The following AGPAT4 variants were observed in gnomAD, a reference collection of about 807,000 sequenced individuals.
AGPAT4 encodes 1-acylglycerol-3-phosphate O-acyltransferase 4.
Under a neutral mutation model 48.0 loss-of-function variants are expected in AGPAT4, and 15 were observed. The ratio of observed to expected loss-of-function variants is 0.31; its 90% CI spans 0.21 to 0.48. The LOEUF (loss-of-function observed/expected upper bound fraction) is 0.48. AGPAT4 is among the 20% of genes least tolerant of loss of function. AGPAT4 has a pLI of 0.99. For synonymous variants in AGPAT4, 178 were observed against 198.7 expected, an observed-to-expected ratio of 0.90 and a Z score of 0.88; for missense variants, 314 against 482.5, an observed-to-expected ratio of 0.65 and a Z score of 3.27.
In AGPAT4 at chr6:161,132,595, G is replaced by A. The variant is rs1778936244; in HGVS notation, c.*3945C>T. The A allele has an allele frequency of 6.6e-6, 1 of 152,322 alleles. No homozygotes were observed. The highest frequency in any genetic ancestry group is 2.4e-5 in the African/African-American group (1 of 41,480). 9.4% of individuals were successfully genotyped at this position (152,322 alleles called of 1,614,324 possible). A position where few individuals can be genotyped will look rare whatever the true frequency, so the allele number is the denominator to read the frequency against. On this transcript the variant is annotated 3_prime_UTR_variant, in exon 9 of 9. Transcript: ENST00000320285. ...CTCGGCCGCTTCTGCCCCGTGCCAA[G>A]GCGTGACTAGGACCAGAAGAATCAG...
chr6:161,136,265 C>G lies in AGPAT4; in HGVS notation c.*275G>C. ...CAGCCTAAAATACCCTTTCTATGAT[C>G]ACAGAACAAAGTTCACACTCACCAC... On this transcript the variant is annotated 3_prime_UTR_variant, in exon 9 of 9. Coordinates refer to ENST00000320285, the MANE Select transcript of AGPAT4 (RefSeq NM_020133.3). 1 of 417,792 alleles carries G rather than the reference C, an allele frequency of 2.4e-6. No individual in the cohort carries two copies. The highest frequency in any genetic ancestry group is 7.1e-4 in the Middle Eastern group (1 of 1,410). 25.9% of individuals were successfully genotyped at this position (417,792 alleles called of 1,614,324 possible). A position where few individuals can be genotyped will look rare whatever the true frequency, so the allele number is the denominator to read the frequency against.
rs562373006 is a variant in AGPAT4, at chr6:161,172,394, G to T, written c.179-5977C>A. 2.1e-4 allele frequency among the ~76,000 whole-genome samples: 32 copies of T among 152,242 alleles called. 1 individual carries two copies. The South Asian group carries it at 2.5e-3, about 12-fold the overall frequency. ...CAGGGGGCACCCCATCCAGGCCTGGGGTACACACAGACTGTGGGACTCATC... is the reference window on the plus strand; with the variant it reads ...CAGGGGGCACCCCATCCAGGCCTGGTGTACACACAGACTGTGGGACTCATC... On this transcript the variant is annotated intron_variant, in intron 2 of 8. Transcript: ENST00000320285.
intron 5 of AGPAT4, among the ~76,000 whole-genome samples, chr6:161,151,422 C>G (rs1779590321): frequency 6.6e-6 from 1 of 152,198 alleles, no homozygotes; most frequent in Non-Finnish European, 1.5e-5. Context: ...CCTTGCGAGG[C>G]AAGACTGAGG....
Position 161,221,799 on chromosome 6 carries a change from CT to C in AGPAT4, c.178+10236del, listed in dbSNP as rs1157287971. Among the ~76,000 whole-genome samples the C allele has an allele frequency of 6.6e-6, 1 of 152,192 alleles. No individual in the cohort carries two copies. The highest frequency in any genetic ancestry group is 1.5e-5 in the Non-Finnish European group (1 of 68,032). ...TCCTTGGCTTGCAGGGGATATTGTC[CT>C]CGTATCTTCACATCGTCTTCCTCTC... On this transcript the variant is annotated intron_variant, in intron 2 of 8. Transcript: ENST00000320285. The surrounding 1 kb of genome is among the most constrained non-coding windows in gnomAD (Gnocchi z 4.5).
chr6:161,131,795 G>A lies in AGPAT4; in HGVS notation c.*4745C>T, dbSNP rs1367761823. 6.6e-6 allele frequency: 1 copy of A among 152,282 alleles called. No individual in the cohort carries two copies. Among genetic ancestry groups the A allele is most frequent in the Non-Finnish European group, 1.5e-5 (1 of 68,054 alleles). The allele number at this position is 152,282 out of a possible 1,614,324, so 9.4% of individuals were successfully genotyped here. On this transcript the variant is annotated 3_prime_UTR_variant, in exon 9 of 9. Transcript: ENST00000320285. ...AATGGTATTGAATGTCCTGGACCAAGAGGAACAGCAACATGTCCTTAGTCC... is the reference window on the plus strand; with the variant it reads ...AATGGTATTGAATGTCCTGGACCAAAAGGAACAGCAACATGTCCTTAGTCC...
chr6:161,172,949 C>G (rs1239578089), intron 2 of AGPAT4, among the ~76,000 whole-genome samples: 1 of 152,146 alleles, frequency 6.6e-6, no homozygotes, highest in African/African-American at 2.4e-5. Flanking sequence ...CAGCTTCATC[C>G]ATATCCCTAC....
Position 161,144,165 on chromosome 6 carries a change from T to C in AGPAT4, c.843+2359A>G, listed in dbSNP as rs1779339570. On this transcript the variant is annotated intron_variant, in intron 7 of 8. Coordinates refer to ENST00000320285, the MANE Select transcript of AGPAT4 (RefSeq NM_020133.3). The surrounding 1 kb of genome is among the most constrained non-coding windows in gnomAD (Gnocchi z 6.6). Reference sequence around the variant, plus strand: ...TCTGCTTGGAGAAACCATGCACCACTTCCACTTGCTGCTCAGCGATCTTCT... The same window carrying C: ...TCTGCTTGGAGAAACCATGCACCACCTCCACTTGCTGCTCAGCGATCTTCT... 1.9e-6 allele frequency: 1 copy of C among 533,318 alleles called. No homozygotes were observed. The highest frequency in any genetic ancestry group is 3.8e-6 in the Non-Finnish European group (1 of 259,926). 33.0% of individuals were successfully genotyped at this position (533,318 alleles called of 1,614,324 possible).
At chr6:161,181,588 T>G (rs558110446) in intron 2 of AGPAT4, among the ~76,000 whole-genome samples, 1 of 152,272 alleles carries the variant, frequency 6.6e-6, no homozygotes, top group South Asian at 2.1e-4. Flanking sequence ...TTTTTACTTT[T>G]AATTTTTGTG....
At position 161,203,391 on chromosome 6, in the gene AGPAT4, T is replaced by C. The variant is rs1399143073; in HGVS notation, c.178+28645A>G. 5.6e-4 allele frequency among the ~76,000 whole-genome samples: 82 copies of C among 146,330 alleles called. 2 individuals are homozygous for C. The highest frequency in any genetic ancestry group is 9.2e-4 in the African/African-American group (37 of 40,018). On this transcript the variant is annotated intron_variant, in intron 2 of 8. Coordinates refer to ENST00000320285, the MANE Select transcript of AGPAT4 (RefSeq NM_020133.3). ...GTGTTCTTTTTCTTTCTTTTTTTTT[T>C]TTTTTTTTTTTTTTGAGACAGAGTT...
rs117308073 is a variant in AGPAT4, at chr6:161,184,414, G to A, written c.179-17997C>T. ...AGGACTTGCTGTTAACTGGGTTGGGGAGCATGGGGGAGAGGAAGGTGTGTG... is the reference window on the plus strand; with the variant it reads ...AGGACTTGCTGTTAACTGGGTTGGGAAGCATGGGGGAGAGGAAGGTGTGTG... On this transcript the variant is annotated intron_variant, in intron 2 of 8. Transcript: ENST00000320285. This position sits in a 1 kb window ranked among gnomAD's most constrained non-coding sequence, Gnocchi z 4.8. 2.3e-3 allele frequency among the ~76,000 whole-genome samples: 350 copies of A among 152,168 alleles called. No individual in the cohort carries two copies. The highest frequency in any genetic ancestry group is 3.3e-3 in the Non-Finnish European group (222 of 67,994).
At position 161,195,321 on chromosome 6, in the gene AGPAT4, GA is replaced by G. The variant is rs1297110432; in HGVS notation, c.179-28905del. On this transcript the variant is annotated intron_variant, in intron 2 of 8. Transcript: ENST00000320285. This position sits in a 1 kb window ranked among gnomAD's most constrained non-coding sequence, Gnocchi z 5.0. ...CAGTGGCAGTCTTCCCAAAATAAAA[GA>G]AAAAAAGTAATTATTCAGAGAAGAC... 6.6e-6 allele frequency among the ~76,000 whole-genome samples: 1 copy of G among 151,986 alleles called. No homozygotes were observed. The highest frequency in any genetic ancestry group is 2.4e-5 in the African/African-American group (1 of 41,394).
intron 2 of AGPAT4, among the ~76,000 whole-genome samples, chr6:161,213,247 A>G (rs999518475): frequency 3.3e-5 from 5 of 152,234 alleles, no homozygotes; most frequent in African/African-American, 1.2e-4. Context: ...AAGCCAATTT[A>G]AAAGCCTTTG....
Position 161,232,413 on chromosome 6 carries a change from T to G in AGPAT4, c.-89-111A>C, listed in dbSNP as rs760388770. ...ACACTTGAGGTTAAACTCATGTGCG[T>G]TAGTTGATTTATCTTTATTTTGCAA... On this transcript the variant is annotated intron_variant, in intron 1 of 8. Coordinates refer to ENST00000320285, the MANE Select transcript of AGPAT4 (RefSeq NM_020133.3). The surrounding 1 kb of genome is among the most constrained non-coding windows in gnomAD (Gnocchi z 6.8). The G allele has an allele frequency of 1.8e-6, 1 of 544,740 alleles. No homozygotes were observed. The highest frequency in any genetic ancestry group is 3.0e-5 in the East Asian group (1 of 33,330). The allele number at this position is 544,740 out of a possible 1,614,324, so 33.7% of individuals were successfully genotyped here.
In AGPAT4 at chr6:161,221,693, T is replaced by A. The variant is rs1411732359; in HGVS notation, c.178+10343A>T. Among the ~76,000 whole-genome samples, 1 of 151,888 alleles carries A rather than the reference T, an allele frequency of 6.6e-6. No individual in the cohort carries two copies. The highest frequency in any genetic ancestry group is 1.9e-4 in the East Asian group (1 of 5,160). ...GGATTCCAGGAACCTCAGATCGGGG[T>A]GTTAGCAGGGTTGGTTCCTTCTGAG... On this transcript the variant is annotated intron_variant, in intron 2 of 8. Transcript: ENST00000320285. This position sits in a 1 kb window ranked among gnomAD's most constrained non-coding sequence, Gnocchi z 4.5.
In AGPAT4 at chr6:161,165,579, G is replaced by A; in HGVS notation, c.348+669C>T. The A allele has an allele frequency of 7.7e-7, 1 of 1,296,364 alleles. No individual in the cohort carries two copies. Among genetic ancestry groups the A allele is most frequent in the Non-Finnish European group, 1.0e-6 (1 of 986,536 alleles). 80.3% of individuals were successfully genotyped at this position (1,296,364 alleles called of 1,614,324 possible). On this transcript the variant is annotated intron_variant, in intron 3 of 8. Coordinates refer to ENST00000320285, the MANE Select transcript of AGPAT4 (RefSeq NM_020133.3). The surrounding 1 kb of genome is among the most constrained non-coding windows in gnomAD (Gnocchi z 5.5). ...ACACTGTGATTCCTACGGAATACCTGAGTACCGCAGATGACTCTGATTCAG... is the reference window on the plus strand; with the variant it reads ...ACACTGTGATTCCTACGGAATACCTAAGTACCGCAGATGACTCTGATTCAG...
intron 2 of AGPAT4, among the ~76,000 whole-genome samples, chr6:161,179,743 T>A (rs1015063295): frequency 1.3e-5 from 2 of 152,220 alleles, no homozygotes; most frequent in Non-Finnish European, 2.9e-5. Flanking sequence ...CTTCCACTTA[T>A]GAATAGTACA....
intron 2 of AGPAT4, among the ~76,000 whole-genome samples, chr6:161,210,292 T>G (rs750037860): frequency 1.3e-5 from 2 of 152,266 alleles, no homozygotes; most frequent in Admixed American, 6.5e-5. Flanking sequence ...TAAATTTTGC[T>G]ATTTGATTTA....
rs986240525 is a variant in AGPAT4 at position 161,206,049 on chromosome 6, T to C, written c.178+25987A>G. ...GTGGTGAACTCTTTGTACTCGTATG[T>C]TTTTTCAAGCCCGTGCGATGTAGAC... On this transcript the variant is annotated intron_variant, in intron 2 of 8. Coordinates refer to ENST00000320285, the MANE Select transcript of AGPAT4 (RefSeq NM_020133.3). This position sits in a 1 kb window ranked among gnomAD's most constrained non-coding sequence, Gnocchi z 4.8. Among the ~76,000 whole-genome samples, 1 of 152,022 alleles carries C rather than the reference T, an allele frequency of 6.6e-6. No homozygotes were observed. The highest frequency in any genetic ancestry group is 2.4e-5 in the African/African-American group (1 of 41,382).
In AGPAT4 at chr6:161,232,853, G is replaced by A. The variant is rs1782160292; in HGVS notation, c.-89-551C>T. Among the ~76,000 whole-genome samples, 1 of 152,120 alleles carries A rather than the reference G, an allele frequency of 6.6e-6. No homozygotes were observed. The highest frequency in any genetic ancestry group is 1.5e-5 in the Non-Finnish European group (1 of 68,040). Reference sequence around the variant, plus strand: ...CAAGGACGAGGACATACCCAGAGTGGGTGCCACCCCTCAAGCAACCGGGAC... The same window carrying A: ...CAAGGACGAGGACATACCCAGAGTGAGTGCCACCCCTCAAGCAACCGGGAC... On this transcript the variant is annotated intron_variant, in intron 1 of 8. Transcript: ENST00000320285. The surrounding 1 kb of genome is among the most constrained non-coding windows in gnomAD (Gnocchi z 6.8).
Sources: gnomAD v4.1 joint callset for allele counts (sites outside exome capture counted in the v4.1 genomes callset) on GRCh38, gnomAD v4.1.1 for gene constraint, Gnocchi (gnomAD v3.1) non-coding constraint, MANE v1.5 for transcripts, NCBI Gene and HGNC (gene_info 2026-07-23, HGNC 2026-07-21) for gene names.